The following CRPPA variants were observed in gnomAD, a reference collection of about 807,000 sequenced individuals.
CRPPA encodes the protein D-ribitol-5-phosphate cytidylyltransferase.
Under a neutral mutation model 52.0 loss-of-function variants are expected in CRPPA, and 43 were observed. The observed-to-expected ratio is 0.83, with a 90% CI of 0.65 to 1.07. The LOEUF is 1.07. CRPPA is among the 50% of genes least tolerant of loss of function. The pLI is 0.00. For missense variants in CRPPA, 629 were observed against 551.7 expected (o/e 1.14, Z -1.40); for synonymous variants, 250 against 203.5 (o/e 1.23, Z -1.94).
At chr7:16,316,046 G>A (rs1287379429) in intron 3 of CRPPA, among the ~76,000 whole-genome samples, 1 of 152,042 alleles carries the variant, frequency 6.6e-6, no homozygotes, top group African/African-American at 2.4e-5. Flanking sequence ...AGTCCCCCAT[G>A]CACTCTTTTT....
chr7:16,313,667 C>T (rs905764461), intron 3 of CRPPA, among the ~76,000 whole-genome samples: 9 of 151,926 alleles, frequency 5.9e-5, no homozygotes, highest in East Asian at 1.9e-4. Flanking sequence ...TCAATGCTAT[C>T]GTTTTTCCTG....
chr7:16,409,740 C>A (rs779275520), intron 1 of CRPPA, among the ~76,000 whole-genome samples: 3 of 152,314 alleles, frequency 2.0e-5, no homozygotes, highest in Non-Finnish European at 4.4e-5. Context: ...TCCGAATATA[C>A]AAAGACATTA....
chr7:16,375,748 C>T (rs1786864037), intron 3 of CRPPA, among the ~76,000 whole-genome samples: 1 of 152,116 alleles, frequency 6.6e-6, no homozygotes, highest in Non-Finnish European at 1.5e-5. Flanking sequence ...TCCAGATGAC[C>T]AATCGAACAC....
At chr7:16,400,300 G>A (rs371572555) in intron 2 of CRPPA, among the ~76,000 whole-genome samples, 8 of 152,200 alleles carry the variant, frequency 5.3e-5, no homozygotes, top group Non-Finnish European at 1.0e-4. Context: ...AATGAGACAC[G>A]GAACATGATT....
intron 8 of CRPPA, among the ~76,000 whole-genome samples, chr7:16,220,762 C>G (rs199609114): frequency 0.25 from 36,965 of 148,766 alleles, 4,698 homozygotes; most frequent in South Asian, 0.41. Context: ...TCTTCAAGGA[C>G]AACTACAAAC....
intron 9 of CRPPA, among the ~76,000 whole-genome samples, chr7:16,200,148 C>T (rs904576707): frequency 1.1e-4 from 16 of 152,174 alleles, no homozygotes; most frequent in African/African-American, 3.9e-4. Flanking sequence ...GTAAGCCACT[C>T]TGCCCGGCCA....
intron 9 of CRPPA, among the ~76,000 whole-genome samples, chr7:16,131,513 C>A (rs768026726): frequency 5.9e-5 from 9 of 152,142 alleles, no homozygotes; most frequent in Non-Finnish European, 8.8e-5. Context: ...GGTGGAAGCC[C>A]ACTTTGGAGT....
chr7:16,100,075 C>A (rs1191054749), intron 9 of CRPPA, among the ~76,000 whole-genome samples: 1 of 152,190 alleles, frequency 6.6e-6, no homozygotes, highest in Non-Finnish European at 1.5e-5. Flanking sequence ...CTCCTGTTAG[C>A]TTTCAAGGTC....
At chr7:16,172,871 T>C (rs963434107) in intron 9 of CRPPA, among the ~76,000 whole-genome samples, 3 of 152,166 alleles carry the variant, frequency 2.0e-5, no homozygotes, top group Non-Finnish European at 4.4e-5. Context: ...GGAATGCCTT[T>C]CTCCCTAAGA....
intron 9 of CRPPA, among the ~76,000 whole-genome samples, chr7:16,148,823 T>A (rs532611311): frequency 6.4e-4 from 97 of 152,264 alleles, no homozygotes; most frequent in Non-Finnish European, 1.1e-3. Context: ...ATTTTAAATG[T>A]TCCCAACACA....
chr7:16,171,321 A>T (rs916434649), intron 9 of CRPPA, among the ~76,000 whole-genome samples: 7 of 152,170 alleles, frequency 4.6e-5, no homozygotes, highest in African/African-American at 1.7e-4. Flanking sequence ...TAAAATATAA[A>T]CGTTACTTTT....
At chr7:16,174,634 C>A (rs1388437644) in intron 9 of CRPPA, among the ~76,000 whole-genome samples, 2 of 151,138 alleles carry the variant, frequency 1.3e-5, no homozygotes, top group Non-Finnish European at 2.9e-5. Context: ...AGAGGAAGTA[C>A]CCAGTTCTAA....
At chr7:16,358,685 A>G (rs1300612657) in intron 3 of CRPPA, among the ~76,000 whole-genome samples, 2 of 152,250 alleles carry the variant, frequency 1.3e-5, no homozygotes, top group African/African-American at 4.8e-5. Flanking sequence ...CAGAGTAACT[A>G]CTTGAGGCAA....
chr7:16,397,010 C>T (rs909738736), intron 2 of CRPPA, among the ~76,000 whole-genome samples: 1 of 152,100 alleles, frequency 6.6e-6, no homozygotes, highest in Non-Finnish European at 1.5e-5. Context: ...GGAACTGACA[C>T]GTGTGAAACA....
chr7:16,359,342 A>G (rs2128308884), intron 3 of CRPPA, among the ~76,000 whole-genome samples: 1 of 152,298 alleles, frequency 6.6e-6, no homozygotes, highest in African/African-American at 2.4e-5. Context: ...CATTACTAGT[A>G]CACATGTAAT....
intron 1 of CRPPA, among the ~76,000 whole-genome samples, chr7:16,409,422 A>C (rs369556547): frequency 2.3e-4 from 35 of 152,270 alleles, no homozygotes; most frequent in African/African-American, 7.9e-4. Context: ...GGCTGCAGGG[A>C]GGAGAAAGGA....
At chr7:16,227,357 G>A (rs753127267) in intron 8 of CRPPA, among the ~76,000 whole-genome samples, 1 of 151,756 alleles carries the variant, frequency 6.6e-6, no homozygotes, top group East Asian at 1.9e-4. Context: ...CCACTAACAA[G>A]GGAATGTATG....
intron 9 of CRPPA, among the ~76,000 whole-genome samples, chr7:16,183,605 G>C (rs1454222484): frequency 1.6e-4 from 25 of 152,146 alleles, no homozygotes; most frequent in Admixed American, 1.6e-3. Context: ...TTGCTTTAGA[G>C]TCCTTCTAGA....
At chr7:16,140,273 G>A (rs924725147) in intron 9 of CRPPA, among the ~76,000 whole-genome samples, 1 of 151,986 alleles carries the variant, frequency 6.6e-6, no homozygotes, top group African/African-American at 2.4e-5. Context: ...TCAGGCTCCT[G>A]AGTAGCTGGG....
Sources: gnomAD v4.1 joint callset for allele counts (sites outside exome capture counted in the v4.1 genomes callset) on GRCh38, gnomAD v4.1.1 for gene constraint, MANE v1.5 for transcripts, NCBI Gene and HGNC (gene_info 2026-07-23, HGNC 2026-07-21) for gene names.